The following CNTNAP2 variants were observed in gnomAD, a reference collection of about 807,000 sequenced individuals.
The protein encoded by CNTNAP2 is contactin-associated protein-like 2.
Under a neutral mutation model 155.2 loss-of-function variants are expected in CNTNAP2, and 98 were observed. The ratio of observed to expected loss-of-function variants is 0.63; its 90% CI spans 0.54 to 0.75. CNTNAP2 has a LOEUF of 0.75. Ranked by LOEUF, CNTNAP2 falls within the 30% of genes least tolerant of loss-of-function variation. The pLI, the probability that CNTNAP2 is intolerant of heterozygous loss-of-function variation, is 0.00. For missense variants in CNTNAP2, 1,727 were observed against 1,688.1 expected, an observed-to-expected ratio of 1.02 and a Z score of -0.40; for synonymous variants, 651 against 631.2, an observed-to-expected ratio of 1.03 and a Z score of -0.47.
intron 20 of CNTNAP2, among the ~76,000 whole-genome samples, chr7:148,257,721 C>A (rs530139789): frequency 1.3e-5 from 2 of 152,250 alleles, no homozygotes; most frequent in Non-Finnish European, 2.9e-5. Flanking sequence ...GTGTCTCTTG[C>A]ATGAAAATTC....
intron 1 of CNTNAP2, among the ~76,000 whole-genome samples, chr7:146,376,147 G>A (rs754296198): frequency 2.0e-5 from 3 of 152,142 alleles, no homozygotes; most frequent in Non-Finnish European, 4.4e-5. Context: ...CTATAAGAGC[G>A]AGCCACCATA....
chr7:146,692,788 A>T (rs761041027), intron 1 of CNTNAP2, among the ~76,000 whole-genome samples: 2 of 152,130 alleles, frequency 1.3e-5, no homozygotes, highest in Non-Finnish European at 2.9e-5. Flanking sequence ...GGTGTAAATT[A>T]TGTATGTGAT....
At chr7:146,534,977 G>C (rs1797824588) in intron 1 of CNTNAP2, among the ~76,000 whole-genome samples, 2 of 141,990 alleles carry the variant, frequency 1.4e-5, no homozygotes, top group South Asian at 4.4e-4. Flanking sequence ...AAATTCTATA[G>C]TTAATGTACA....
chr7:146,521,446 T>C (rs1209672572), intron 1 of CNTNAP2, among the ~76,000 whole-genome samples: 1 of 151,996 alleles, frequency 6.6e-6, no homozygotes, highest in Non-Finnish European at 1.5e-5. Flanking sequence ...ATCAACTGAA[T>C]AATTTACTTT....
At chr7:147,618,788 T>C (rs1011387953) in intron 12 of CNTNAP2, among the ~76,000 whole-genome samples, 3 of 152,096 alleles carry the variant, frequency 2.0e-5, no homozygotes, top group East Asian at 1.9e-4. Flanking sequence ...TGCTTTTTTT[T>C]CACTGGTCAT....
chr7:148,364,290 T>C (rs1331766320), intron 21 of CNTNAP2, among the ~76,000 whole-genome samples: 3 of 152,234 alleles, frequency 2.0e-5, no homozygotes, highest in Non-Finnish European at 4.4e-5. Context: ...GGTGGGGACA[T>C]GGAGAGTCTT....
intron 1 of CNTNAP2, among the ~76,000 whole-genome samples, chr7:146,470,000 C>T (rs908949763): frequency 2.1e-4 from 32 of 151,712 alleles, no homozygotes; most frequent in Admixed American, 3.3e-4. Context: ...CCACCACGCC[C>T]GGCTAATTTT....
intron 8 of CNTNAP2, among the ~76,000 whole-genome samples, chr7:147,144,861 C>T (rs754755799): frequency 1.6e-4 from 25 of 152,070 alleles, no homozygotes; most frequent in Non-Finnish European, 2.2e-4. Context: ...TGTGGCTGAT[C>T]GGTATTGTGT....
chr7:147,439,073 A>T (rs374807599), intron 10 of CNTNAP2, among the ~76,000 whole-genome samples: 2 of 151,834 alleles, frequency 1.3e-5, no homozygotes, highest in African/African-American at 4.8e-5. Context: ...TGTTTTCTTC[A>T]TTTCAATCTT....
At chr7:147,974,421 C>T (rs1801390947) in intron 14 of CNTNAP2, among the ~76,000 whole-genome samples, 1 of 151,930 alleles carries the variant, frequency 6.6e-6, no homozygotes, top group South Asian at 2.1e-4. Flanking sequence ...TCATCTGAGG[C>T]CAGCACCAGC....
At chr7:146,435,926 A>G (rs746439836) in intron 1 of CNTNAP2, among the ~76,000 whole-genome samples, 6 of 152,152 alleles carry the variant, frequency 3.9e-5, no homozygotes, top group African/African-American at 1.2e-4. Flanking sequence ...TAAATAACAT[A>G]CTTGGTAAAT....
At chr7:146,245,926 AG>A (rs1799641260) in intron 1 of CNTNAP2, among the ~76,000 whole-genome samples, 1 of 97,522 alleles carries the variant, frequency 1.0e-5, no homozygotes, top group Admixed American at 8.5e-5. Flanking sequence ...GAGAGAGGAT[AG>A]GGTTTGGCAC....
chr7:147,486,410 A>G (rs1033687108), intron 11 of CNTNAP2, among the ~76,000 whole-genome samples: 3 of 152,140 alleles, frequency 2.0e-5, no homozygotes, highest in African/African-American at 4.8e-5. Flanking sequence ...TCATTTATTA[A>G]TTAATCCGAG....
At chr7:147,225,310 G>A (rs1302090504) in intron 8 of CNTNAP2, among the ~76,000 whole-genome samples, 5 of 152,084 alleles carry the variant, frequency 3.3e-5, no homozygotes, top group Non-Finnish European at 4.4e-5. Flanking sequence ...TAGGGTTGCC[G>A]TTTGTTTTAT....
At chr7:146,462,801 A>C (rs1796657389) in intron 1 of CNTNAP2, among the ~76,000 whole-genome samples, 6 of 152,194 alleles carry the variant, frequency 3.9e-5, no homozygotes, top group Admixed American at 3.9e-4. Context: ...ACTTAGTAGC[A>C]TTGTGGATCA....
intron 8 of CNTNAP2, among the ~76,000 whole-genome samples, chr7:147,168,598 T>C (rs1470284343): frequency 1.3e-5 from 2 of 152,106 alleles, no homozygotes; most frequent in Non-Finnish European, 1.5e-5. Flanking sequence ...TCGTGAAGAT[T>C]TAAAATATTT....
At chr7:146,421,972 A>G (rs188315937) in intron 1 of CNTNAP2, among the ~76,000 whole-genome samples, 2 of 151,896 alleles carry the variant, frequency 1.3e-5, no homozygotes, top group Admixed American at 6.6e-5. Flanking sequence ...AGATCTTTTT[A>G]TATTAGCACA....
chr7:147,670,544 T>G (rs1005896581), intron 13 of CNTNAP2, among the ~76,000 whole-genome samples: 2 of 152,170 alleles, frequency 1.3e-5, no homozygotes, highest in Non-Finnish European at 2.9e-5. Flanking sequence ...GTGAAGCAGC[T>G]GGACATCAGA....
intron 3 of CNTNAP2, among the ~76,000 whole-genome samples, chr7:146,878,435 A>G (rs1274213933): frequency 6.6e-6 from 1 of 151,368 alleles, no homozygotes. Flanking sequence ...CCTTTCCCAC[A>G]AGTACTCTTG....
Sources: allele counts gnomAD v4.1 joint callset (sites outside exome capture counted in the v4.1 genomes callset), GRCh38; gene constraint gnomAD v4.1.1; transcripts MANE v1.5; gene names NCBI Gene and HGNC (gene_info 2026-07-23, HGNC 2026-07-21).